Variants in NDUFS7 observed in about 807,000 individuals in gnomAD.
NDUFS7 encodes NADH dehydrogenase [ubiquinone] iron-sulfur protein 7, mitochondrial.
NDUFS7 carries 11 observed loss-of-function variants against 31.1 expected under a neutral mutation model. The ratio of observed to expected loss-of-function variants is 0.35; its 90% CI spans 0.22 to 0.59. The LOEUF (loss-of-function observed/expected upper bound fraction) is 0.59, where lower values mean the gene tolerates loss of function less well. Ranked by LOEUF, NDUFS7 falls within the 20% of genes least tolerant of loss-of-function variation. The pLI is 0.79. For missense variants in NDUFS7, 263 were observed against 324.2 expected, an observed-to-expected ratio of 0.81 and a Z score of 1.45; for synonymous variants, 136 against 127.9, an observed-to-expected ratio of 1.06 and a Z score of -0.43.
At chr19:1,387,984 G>A (rs982316338) in intron 2 of NDUFS7, 137 bp downstream of exon 2, 10 of 828,092 alleles carry the variant, frequency 1.2e-5, no homozygotes, top group Admixed American at 1.0e-4. Flanking sequence ...TGCAGGTGAC[G>A]GTCTGCACGC....
At chr19:1,387,923 G>GGGGGGGCGCCTTGTTGAA in intron 2 of NDUFS7, 76 bp downstream of exon 2, 1 of 436,176 alleles carries the variant, frequency 2.3e-6, no homozygotes, top group Non-Finnish European at 4.5e-6. Flanking sequence ...GGGGGGGTGG[G>GGGGGGGCGCCTTGTTGAA]GGGTGGGGGG....
At chr19:1,387,598 T>G in intron 1 of NDUFS7, 1 of 577,198 alleles carries the variant, frequency 1.7e-6, no homozygotes. Context: ...GGGGCAGCGT[T>G]TGGGTTCCTT....
rs769894226 is a variant in NDUFS7, at chr19:1,387,846, C to T, written c.52C>T (p.Arg18Cys). ...GCGCGGCTTCCGGATCCTTGGTCTG[C>T]GGTGAGTGCCTGAGTCTCCAGCCCT... ...GLRGFRILGLRSSVGPAVQAR... is the reference protein window; with the variant it reads ...GLRGFRILGLCSSVGPAVQAR... Residue 18 changes from arginine to cysteine, a missense_variant and splice_region_variant, in exon 2 of 8, where the codon CGC becomes TGC. Coordinates refer to ENST00000233627, the MANE Select transcript of NDUFS7 (RefSeq NM_024407.5). The T allele has an allele frequency of 3.5e-5, 56 of 1,591,702 alleles. No individual in the cohort carries two copies. The highest frequency in any genetic ancestry group is 1.7e-4 in the Middle Eastern group (1 of 5,930).
At chr19:1,389,248 CATGCGCACAT>C (rs1245765472) in intron 4 of NDUFS7, 1 of 655,926 alleles carries the variant, frequency 1.5e-6, no homozygotes, top group Admixed American at 2.1e-5. Context: ...CATGCACACT[CATGCGCACAT>C]ATACACATGC....
Position 1,393,541 on chromosome 19 carries a change from G to T in NDUFS7, c.544+211G>T. 1 of 670,294 alleles carries T rather than the reference G, an allele frequency of 1.5e-6. No individual in the cohort carries two copies. Among genetic ancestry groups the T allele is most frequent in the South Asian group, 1.6e-5 (1 of 64,144 alleles). 41.5% of individuals were successfully genotyped at this position (670,294 alleles called of 1,614,324 possible). A position where few individuals can be genotyped will look rare whatever the true frequency, so the allele number is the denominator to read the frequency against. On this transcript the variant is annotated intron_variant, in intron 7 of 7. Coordinates refer to ENST00000233627, the MANE Select transcript of NDUFS7 (RefSeq NM_024407.5). The surrounding 1 kb of genome is among the most constrained non-coding windows in gnomAD (Gnocchi z 7.3). ...ATTCAGGCATCAGAGGGATCAGAGG[G>T]AGCAGGGGAAGCTGAGTGGAATTCC... is the stretch of plus-strand genomic sequence containing the variant.
chr19:1,388,224 C>T (rs983181449), intron 2 of NDUFS7: 10 of 588,182 alleles, frequency 1.7e-5, no homozygotes, highest in African/African-American at 1.5e-4. Context: ...TTACCTTGGT[C>T]ATGTGTGGAG....
Position 1,383,917 on chromosome 19 carries a change from C to G in NDUFS7, c.-10C>G, listed in dbSNP as rs1475384408. On this transcript the variant is annotated 5_prime_UTR_variant, in exon 1 of 8. Coordinates refer to ENST00000233627, the MANE Select transcript of NDUFS7 (RefSeq NM_024407.5). ...CGGACCTCAGAGGTTGTCTGAAGGC[C>G]GAGGCCAAGATGGCGGTGCTGTCAG... is the stretch of plus-strand genomic sequence containing the variant. The G allele has an allele frequency of 1.3e-6, 2 of 1,581,078 alleles. No individual in the cohort carries two copies. The highest frequency in any genetic ancestry group is 1.7e-6 in the Non-Finnish European group (2 of 1,164,628).
In NDUFS7 at chr19:1,388,287, A is replaced by G. The variant is rs1038684385; in HGVS notation, c.54-238A>G. ...TGATCCTGGGACCGTCCTTGCTTGG[A>G]CACTGTTGACCTGCTGGGTACGTCA... On this transcript the variant is annotated intron_variant, in intron 2 of 7. Coordinates refer to ENST00000233627, the MANE Select transcript of NDUFS7 (RefSeq NM_024407.5). 8.3e-6 allele frequency: 5 copies of G among 603,992 alleles called. No individual in the cohort carries two copies. The African/African-American group carries it at 9.2e-5, about 11-fold the overall frequency. The allele number at this position is 603,992 out of a possible 1,614,324, so 37.4% of individuals were successfully genotyped here.
In NDUFS7 at chr19:1,388,885, C is replaced by A; in HGVS notation, c.175C>A (p.Arg59=). The A allele has an allele frequency of 6.2e-7, 1 of 1,609,412 alleles. No homozygotes were observed. The highest frequency in any genetic ancestry group is 8.5e-7 in the Non-Finnish European group (1 of 1,178,346). ...AGCCGTGGCTCCCAAACCCAGCAGC[C>A]GGGGCGAGTATGTGGTGGCCAAGCT... ...ARAVAPKPSS[R]GEYVVAKLDD... The change falls in exon 4 of 8, where the codon CGG becomes AGG. Residue 59 remains arginine, a synonymous_variant. Transcript: ENST00000233627.
At chr19:1,384,250 G>A (rs2082493215) in intron 1 of NDUFS7, 1 of 459,308 alleles carries the variant, frequency 2.2e-6, no homozygotes, top group South Asian at 3.3e-5. Flanking sequence ...GGCACGGCCC[G>A]CGAGGCTGCT....
At chr19:1,389,237 T>G in intron 4 of NDUFS7, 2 of 659,222 alleles carry the variant, frequency 3.0e-6, no homozygotes, top group Non-Finnish European at 5.6e-6. Flanking sequence ...ACACTTGCAC[T>G]CATGCACACT....
rs781104957 is a variant in NDUFS7 at position 1,388,498 on chromosome 19, A to T, written c.54-27A>T. On this transcript the variant is annotated intron_variant, in intron 2 of 7. Coordinates refer to ENST00000233627, the MANE Select transcript of NDUFS7 (RefSeq NM_024407.5). Reference sequence around the variant, plus strand: ...GGAGCTGGAGGGGCCTGGGACAGCCACTGACCCGCGTTCCATCTCCCGGCA... The same window carrying T: ...GGAGCTGGAGGGGCCTGGGACAGCCTCTGACCCGCGTTCCATCTCCCGGCA... 2.5e-6 allele frequency: 4 copies of T among 1,607,928 alleles called. No homozygotes were observed. In the African/African-American group the frequency reaches 4.0e-5, roughly 16 times the overall value.
chr19:1,385,313 G>C (rs1028008904), intron 1 of NDUFS7, among the ~76,000 whole-genome samples: 2 of 145,376 alleles, frequency 1.4e-5, no homozygotes, highest in East Asian at 2.1e-4. Context: ...TCCGGAGTTC[G>C]AGACCAGCCT....
chr19:1,388,659 G>T (rs780169395), intron 3 of NDUFS7, 66 bp downstream of exon 3: 13 of 1,538,878 alleles, frequency 8.4e-6, no homozygotes, highest in Non-Finnish European at 1.2e-5. Flanking sequence ...CTTATTTTCT[G>T]CATCAGTGCC....
chr19:1,388,783 G>T (rs1276217370), intron 3 of NDUFS7, 50 bp from the exon 4 acceptor site: 1 of 1,543,122 alleles, frequency 6.5e-7, no homozygotes, highest in African/African-American at 1.4e-5. Context: ...CCGCCTCTGG[G>T]AAGCACCTGC....
At chr19:1,388,146 G>A (rs1839192550) in intron 2 of NDUFS7, 1 of 590,912 alleles carries the variant, frequency 1.7e-6, no homozygotes, top group Middle Eastern at 4.5e-4. Flanking sequence ...TGTGCAGATG[G>A]CAGCTGGGGC....
chr19:1,387,722 CG>C, intron 1 of NDUFS7, 88 bp from the exon 2 acceptor site: 1 of 1,210,578 alleles, frequency 8.3e-7, no homozygotes, highest in African/African-American at 1.5e-5. Context: ...CTAGGCTGTG[CG>C]GGCAGGAGCC....
At chr19:1,394,129 G>T in intron 7 of NDUFS7, 1 of 341,790 alleles carries the variant, frequency 2.9e-6, no homozygotes. Flanking sequence ...CCGAGTCTGG[G>T]GGTTTGGGCA....
In NDUFS7 at chr19:1,394,584, C is replaced by T. The variant is rs368931938; in HGVS notation, c.545-807C>T. The T allele has an allele frequency of 9.4e-5, 114 of 1,219,022 alleles. No homozygotes were observed. The Middle Eastern group carries it at 1.4e-3, about 15-fold the overall frequency. The allele number at this position is 1,219,022 out of a possible 1,614,324, so 75.5% of individuals were successfully genotyped here. On this transcript the variant is annotated intron_variant, in intron 7 of 7. Coordinates refer to ENST00000233627, the MANE Select transcript of NDUFS7 (RefSeq NM_024407.5). ...CGCGCTCCTCCCTCCCTGCGGACCG[C>T]GCTCGGCCCTCCCTGGGGACCGCGC...
Sources: allele counts gnomAD v4.1 joint callset (sites outside exome capture counted in the v4.1 genomes callset), GRCh38; gene constraint gnomAD v4.1.1; non-coding constraint Gnocchi (gnomAD v3.1); transcripts MANE v1.5; gene names NCBI Gene and HGNC (gene_info 2026-07-23, HGNC 2026-07-21).